PHLDB2: variants seen among roughly 807,000 people sequenced by gnomAD.
PHLDB2 encodes the protein pleckstrin homology-like domain family B member 2.
PHLDB2 carries 71 observed loss-of-function variants against 123.6 expected under a neutral mutation model. The observed-to-expected ratio is 0.57, with a 90% CI of 0.47 to 0.70. The LOEUF (loss-of-function observed/expected upper bound fraction) is 0.70, where lower values mean the gene tolerates loss of function less well. Ranked by LOEUF, PHLDB2 falls within the 30% of genes least tolerant of loss-of-function variation. The probability of loss-of-function intolerance (pLI) is 0.00; values close to 1 mark genes in which losing one functional copy is unlikely to be tolerated. For synonymous variants in PHLDB2, 547 were observed against 541.6 expected, an observed-to-expected ratio of 1.01 and a Z score of -0.14; for missense variants, 1,446 against 1,519.5, an observed-to-expected ratio of 0.95 and a Z score of 0.80.
chr3:111,918,969 A>C, intron 3 of PHLDB2, 103 bp from the exon 4 acceptor site: 9 of 1,206,440 alleles, frequency 7.5e-6, no homozygotes, highest in Middle Eastern at 3.9e-4. Context: ...CTACATGGGC[A>C]TGGAGACTGT....
At chr3:111,886,057 G>A (rs1308468562) in intron 2 of PHLDB2, among the ~76,000 whole-genome samples, 1 of 152,142 alleles carries the variant, frequency 6.6e-6, no homozygotes, top group Non-Finnish European at 1.5e-5. Context: ...AAATAAGACG[G>A]GGAAACATCC....
At chr3:111,839,026 C>T (rs901113734) in intron 1 of PHLDB2, among the ~76,000 whole-genome samples, 1 of 152,066 alleles carries the variant, frequency 6.6e-6, no homozygotes, top group African/African-American at 2.4e-5. Context: ...GAATCACTTC[C>T]AGATTTCTCT....
intron 2 of PHLDB2, among the ~76,000 whole-genome samples, chr3:111,887,822 C>T (rs966606070): frequency 9.2e-5 from 14 of 152,184 alleles, no homozygotes; most frequent in African/African-American, 3.1e-4. Context: ...CTGCCTAGTA[C>T]TATCTCATTT....
At chr3:111,955,635 C>T (rs1265621071) in intron 12 of PHLDB2, among the ~76,000 whole-genome samples, 1 of 151,942 alleles carries the variant, frequency 6.6e-6, no homozygotes, top group Non-Finnish European at 1.5e-5. Flanking sequence ...TATTTTTTGG[C>T]AGAGATGGGT....
At chr3:111,788,857 C>T (rs1434731863) in intron 1 of PHLDB2, among the ~76,000 whole-genome samples, 3 of 152,162 alleles carry the variant, frequency 2.0e-5, no homozygotes, top group African/African-American at 4.8e-5. Flanking sequence ...AAAGATTACA[C>T]ACCCCTGCTT....
intron 9 of PHLDB2, 74 bp from the exon 10 acceptor site, chr3:111,948,858 C>T: frequency 6.9e-7 from 1 of 1,457,684 alleles, no homozygotes; most frequent in Non-Finnish European, 9.5e-7. Flanking sequence ...CTTCATTGTA[C>T]TGGGAACATT....
chr3:111,939,046 G>A (rs2069693810), intron 6 of PHLDB2, among the ~76,000 whole-genome samples: 1 of 151,994 alleles, frequency 6.6e-6, no homozygotes, highest in Admixed American at 6.5e-5. Context: ...GACCTCAGGT[G>A]ATCCCCCCTC....
intron 12 of PHLDB2, chr3:111,960,172 G>A: frequency 1.1e-6 from 1 of 877,602 alleles, no homozygotes; most frequent in Non-Finnish European, 1.4e-6. Flanking sequence ...AAAAGTTCAA[G>A]TATCAAAGGT....
intron 2 of PHLDB2, among the ~76,000 whole-genome samples, chr3:111,909,487 C>T (rs903219442): frequency 6.6e-6 from 1 of 152,132 alleles, no homozygotes; most frequent in African/African-American, 2.4e-5. Flanking sequence ...GTCCCCGCTA[C>T]TCTGGAGGCT....
Position 111,815,152 on chromosome 3 carries a change from G to A in PHLDB2, c.-48-30669G>A, listed in dbSNP as rs186187458. On this transcript the variant is annotated intron_variant, in intron 1 of 17. Transcript: ENST00000393923. ...ATGATTGTGAGGCCTCCCCATCCAT[G>A]TGGAACTGTAAGTCCAATAAACCAC... Among the ~76,000 whole-genome samples, 54 of 152,292 alleles carry A rather than the reference G, an allele frequency of 3.5e-4. 2 individuals carry two copies. In the East Asian group the frequency reaches 0.01, roughly 29 times the overall value.
At chr3:111,765,933 A>G (rs116236893) in intron 1 of PHLDB2, among the ~76,000 whole-genome samples, 1,613 of 152,282 alleles carry the variant, frequency 0.011, 27 homozygotes, top group African/African-American at 0.036. Flanking sequence ...GCAAATCAGA[A>G]GAATAGAAAT....
intron 1 of PHLDB2, among the ~76,000 whole-genome samples, chr3:111,818,784 C>G (rs567986696): frequency 6.6e-6 from 1 of 152,248 alleles, no homozygotes; most frequent in East Asian, 1.9e-4. Context: ...TGGCTCCATG[C>G]TGGGCCATAA....
Position 111,940,518 on chromosome 3 carries a change from C to T in PHLDB2, c.2287-17C>T. ...TGTCTAATGTACATCTTCCTATGAT[C>T]ATCTCTTTTCCTCCAGGAAAAAATT... On this transcript the variant is annotated splice_polypyrimidine_tract_variant and intron_variant, in intron 7 of 17. Transcript: ENST00000431670. 1 of 1,482,852 alleles carries T rather than the reference C, an allele frequency of 6.7e-7. No individual in the cohort carries two copies. The highest frequency in any genetic ancestry group is 9.3e-7 in the Non-Finnish European group (1 of 1,071,162). 91.9% of individuals were successfully genotyped at this position (1,482,852 alleles called of 1,614,324 possible).
In PHLDB2 at chr3:111,892,178, A is replaced by G. The variant is rs550239636; in HGVS notation, c.1335+6766A>G. 2.0e-5 allele frequency among the ~76,000 whole-genome samples: 3 copies of G among 152,338 alleles called. No homozygotes were observed. In the South Asian group the frequency reaches 6.2e-4, roughly 32 times the overall value. ...TTTTACACACATACGAATTTTTTCC[A>G]TTACATATGGATTCCTTGAAAATAA... is the stretch of plus-strand genomic sequence containing the variant. On this transcript the variant is annotated intron_variant, in intron 2 of 17. Coordinates refer to ENST00000431670, the MANE Select transcript of PHLDB2 (RefSeq NM_001134438.2).
At chr3:111,919,307 C>A in intron 4 of PHLDB2, 92 bp downstream of exon 4, 1 of 1,315,132 alleles carries the variant, frequency 7.6e-7, no homozygotes, top group Non-Finnish European at 1.1e-6. Context: ...AGGCCAGATA[C>A]ATAGACGTCA....
chr3:111,906,359 A>T (rs776342441), intron 2 of PHLDB2, among the ~76,000 whole-genome samples: 1 of 152,218 alleles, frequency 6.6e-6, no homozygotes, highest in East Asian at 1.9e-4. Context: ...TCTGGTTTAT[A>T]CTTGAGGAAA....
chr3:111,832,559 A>ATT (rs891425295), intron 1 of PHLDB2, among the ~76,000 whole-genome samples: 21 of 147,390 alleles, frequency 1.4e-4, no homozygotes, highest in African/African-American at 5.2e-4. Flanking sequence ...ATCATATGGC[A>ATT]TTATATATAT....
chr3:111,789,134 A>G (rs912348959), intron 1 of PHLDB2, among the ~76,000 whole-genome samples: 1 of 152,202 alleles, frequency 6.6e-6, no homozygotes, highest in East Asian at 1.9e-4. Flanking sequence ...AAGGCGATGG[A>G]AAAAACAGTG....
intron 1 of PHLDB2, among the ~76,000 whole-genome samples, chr3:111,799,720 A>G (rs908844919): frequency 6.6e-6 from 1 of 152,164 alleles, no homozygotes; most frequent in Non-Finnish European, 1.5e-5. Flanking sequence ...CTATGTGAAG[A>G]TATCTATTGT....
Sources: gnomAD v4.1 joint callset for allele counts (sites outside exome capture counted in the v4.1 genomes callset) on GRCh38, gnomAD v4.1.1 for gene constraint, MANE v1.5 for transcripts, NCBI Gene and HGNC (gene_info 2026-07-23, HGNC 2026-07-21) for gene names.